PTCHD1: variants seen among roughly 807,000 people sequenced by gnomAD.
PTCHD1 encodes patched domain-containing protein 1.
PTCHD1 carries 3 observed loss-of-function variants against 34.6 expected under a neutral mutation model. The ratio of observed to expected loss-of-function variants is 0.09; its 90% CI spans 0.04 to 0.22. The LOEUF is 0.22. PTCHD1 is among the 10% of genes least tolerant of loss of function. The pLI is 1.00. For missense variants in PTCHD1, 504 were observed against 685.5 expected, an observed-to-expected ratio of 0.74 and a Z score of 2.96; for synonymous variants, 305 against 283.1, an observed-to-expected ratio of 1.08 and a Z score of -0.77.
chrX:23,392,076 T>TTTTC (rs1360264355), intron 2 of PTCHD1, among the ~76,000 whole-genome samples: 2 of 80,079 alleles, frequency 2.5e-5, no homozygotes, highest in East Asian at 7.7e-4. Context: ...CTTTCTTTCT[T>TTTTC]TTTTTTTTTT....
At position 23,398,211 on chromosome X, in the gene PTCHD1, A is replaced by G. The variant is rs1013650308; in HGVS notation, c.*4026A>G. On this transcript the variant is annotated 3_prime_UTR_variant, in exon 3 of 3. Transcript: ENST00000379361. ...CTGGCAAAGAAAAGAGACTCAAGAC[A>G]TTATTTGTAATTCAGCAATCTCGCA... 25 of 111,814 alleles carry G rather than the reference A, an allele frequency of 2.2e-4. No homozygotes were observed. Among genetic ancestry groups the G allele is most frequent in the African/African-American group, 7.1e-4 (22 of 30,776 alleles). The allele number at this position is 111,814 out of a possible 1,213,427, so 9.2% of individuals were successfully genotyped here. A position where few individuals can be genotyped will look rare whatever the true frequency, so the allele number is the denominator to read the frequency against.
chrX:23,385,428 T>G (rs766870837), intron 2 of PTCHD1, among the ~76,000 whole-genome samples: 70 of 111,123 alleles, frequency 6.3e-4, no homozygotes, highest in Non-Finnish European at 1.2e-3. Context: ...TTCCCAGATA[T>G]CCCCTGGGTG....
rs1231021172 is a variant in PTCHD1 at position 23,400,621 on chromosome X, T to G, written c.*6436T>G. 1.8e-5 allele frequency: 2 copies of G among 112,420 alleles called. No individual in the cohort carries two copies. Among genetic ancestry groups the G allele is most frequent in the Admixed American group, 1.9e-4 (2 of 10,676 alleles). The allele number at this position is 112,420 out of a possible 1,213,427, so 9.3% of individuals were successfully genotyped here. A position where few individuals can be genotyped will look rare whatever the true frequency, so the allele number is the denominator to read the frequency against. On this transcript the variant is annotated 3_prime_UTR_variant, in exon 3 of 3. Coordinates refer to ENST00000379361, the MANE Select transcript of PTCHD1 (RefSeq NM_173495.3). Reference sequence around the variant, plus strand: ...ATACTGTACTTGTTGGCTCTGCTGCTGCTGATATAACTTCAGGCACAACGG... The same window carrying G: ...ATACTGTACTTGTTGGCTCTGCTGCGGCTGATATAACTTCAGGCACAACGG...
chrX:23,376,104 C>T (rs768241252), intron 1 of PTCHD1, among the ~76,000 whole-genome samples: 52 of 112,034 alleles, frequency 4.6e-4, no homozygotes, highest in Non-Finnish European at 8.6e-4. Context: ...ATTTTTTCCA[C>T]GCGCGAGTGC....
intron 1 of PTCHD1, among the ~76,000 whole-genome samples, chrX:23,347,429 G>A (rs925918065): frequency 7.2e-5 from 8 of 111,829 alleles, no homozygotes; most frequent in South Asian, 3.7e-4. Context: ...AAAATCCAAC[G>A]TCAACAAGAG....
chrX:23,361,326 C>G (rs966403517), intron 1 of PTCHD1, among the ~76,000 whole-genome samples: 5 of 111,805 alleles, frequency 4.5e-5, no homozygotes, highest in Non-Finnish European at 7.5e-5. Flanking sequence ...TATGAATCTG[C>G]GTGCTCCTGT....
intron 2 of PTCHD1, among the ~76,000 whole-genome samples, chrX:23,386,393 C>T (rs1487569426): frequency 8.9e-6 from 1 of 111,756 alleles, no homozygotes; most frequent in Non-Finnish European, 1.9e-5. Context: ...TGTGTGTTCC[C>T]CCTGATGTGA....
At chrX:23,354,807 G>A (rs1249875347) in intron 1 of PTCHD1, among the ~76,000 whole-genome samples, 2 of 108,902 alleles carry the variant, frequency 1.8e-5, no homozygotes, top group African/African-American at 3.3e-5. Context: ...TCTTGACCTC[G>A]TGATCACCCC....
intron 1 of PTCHD1, among the ~76,000 whole-genome samples, chrX:23,345,998 G>A (rs1921466300): frequency 9.0e-6 from 1 of 111,585 alleles, no homozygotes; most frequent in South Asian, 3.8e-4. Flanking sequence ...ACCCTGAGAT[G>A]GAGGAAGAGA....
intron 1 of PTCHD1, among the ~76,000 whole-genome samples, chrX:23,367,772 G>A (rs1220380375): frequency 2.7e-5 from 3 of 111,491 alleles, no homozygotes; most frequent in African/African-American, 3.3e-5. Flanking sequence ...ATAGTATCAC[G>A]TGCAATATTC....
chrX:23,396,955 A>C lies in PTCHD1; in HGVS notation c.*2770A>C, dbSNP rs1923004945. 1 of 112,447 alleles carries C rather than the reference A, an allele frequency of 8.9e-6. No homozygotes were observed. Among genetic ancestry groups the C allele is most frequent in the Non-Finnish European group, 1.9e-5 (1 of 53,301 alleles). 9.3% of individuals were successfully genotyped at this position (112,447 alleles called of 1,213,427 possible). A position where few individuals can be genotyped will look rare whatever the true frequency, so the allele number is the denominator to read the frequency against. ...CAGAATCACATCCCCATAAAATCTA[A>C]GTCTTTACTTCATCAAGTTTTACTT... On this transcript the variant is annotated 3_prime_UTR_variant, in exon 3 of 3. Coordinates refer to ENST00000379361, the MANE Select transcript of PTCHD1 (RefSeq NM_173495.3).
chrX:23,379,858 G>A lies in PTCHD1; in HGVS notation c.619G>A (p.Glu207Lys). 8.3e-7 allele frequency: 1 copy of A among 1,211,952 alleles called. No homozygotes were observed. The highest frequency in any genetic ancestry group is 1.1e-6 in the Non-Finnish European group (1 of 895,552). Residue 207 changes from glutamate (E) to lysine (K), a missense_variant, in exon 2 of 3, where the codon GAG becomes AAG. Physicochemically the swap from Glu to Lys is moderately conservative, Grantham distance 56 (BLOSUM62 1). Transcript: ENST00000379361. ...CAGCAAAGACCGGGTGAAATCTGCA[G>A]AGGCCATCCAGCTCACCTACTACCT... ...VHSKDRVKSA[E>K]AIQLTYYLQS...
At chrX:23,351,988 T>C (rs1219248071) in intron 1 of PTCHD1, among the ~76,000 whole-genome samples, 2 of 111,490 alleles carry the variant, frequency 1.8e-5, no homozygotes, top group Non-Finnish European at 3.8e-5. Flanking sequence ...ATGAAAATAT[T>C]TTAAAACCCA....
chrX:23,388,044 C>A (rs1196810691), intron 2 of PTCHD1, among the ~76,000 whole-genome samples: 1 of 110,912 alleles, frequency 9.0e-6, no homozygotes, highest in African/African-American at 3.3e-5. Flanking sequence ...TGTGGAGGTT[C>A]CTGATATCCT....
At chrX:23,348,280 A>C (rs1040429446) in intron 1 of PTCHD1, among the ~76,000 whole-genome samples, 1 of 110,804 alleles carries the variant, frequency 9.0e-6, no homozygotes, top group Non-Finnish European at 1.9e-5. Context: ...AAAAAAAAAA[A>C]AACCCAAACG....
At chrX:23,365,501 G>A (rs1042714470) in intron 1 of PTCHD1, among the ~76,000 whole-genome samples, 10 of 110,726 alleles carry the variant, frequency 9.0e-5, no homozygotes, top group Non-Finnish European at 1.7e-4. Context: ...AGAGGGGAGA[G>A]AAAGAAAGAG....
intron 1 of PTCHD1, among the ~76,000 whole-genome samples, chrX:23,343,938 T>C (rs1317345050): frequency 8.9e-6 from 1 of 112,475 alleles, no homozygotes. Flanking sequence ...TGGATTTTGT[T>C]TTTGGTCTTG....
intron 2 of PTCHD1, among the ~76,000 whole-genome samples, chrX:23,391,245 G>A (rs1300962659): frequency 9.0e-6 from 1 of 111,496 alleles, no homozygotes; most frequent in Non-Finnish European, 1.9e-5. Context: ...TTACGCAGCG[G>A]GGTTACTGAT....
chrX:23,392,296 G>C (rs763856357), intron 2 of PTCHD1, among the ~76,000 whole-genome samples: 1 of 109,628 alleles, frequency 9.1e-6, no homozygotes, highest in African/African-American at 3.3e-5. Context: ...TTAAGCCAGA[G>C]GGAATATGAA....
Sources: allele counts gnomAD v4.1 joint callset (sites outside exome capture counted in the v4.1 genomes callset), GRCh38; gene constraint gnomAD v4.1.1; transcripts MANE v1.5; gene names NCBI Gene and HGNC (gene_info 2026-07-23, HGNC 2026-07-21).